Variants in FLRT2 observed in about 807,000 individuals in gnomAD.
The protein encoded by FLRT2 is leucine-rich repeat transmembrane protein FLRT2.
Under a neutral mutation model 40.0 loss-of-function variants are expected in FLRT2, and 15 were observed. The ratio of observed to expected loss-of-function variants is 0.38; its 90% CI spans 0.25 to 0.58. FLRT2 has a LOEUF of 0.58. Ranked by LOEUF, FLRT2 falls within the 20% of genes least tolerant of loss-of-function variation. The pLI, the probability that FLRT2 is intolerant of heterozygous loss-of-function variation, is 0.71. For missense variants in FLRT2, 726 were observed against 840.0 expected, an observed-to-expected ratio of 0.86 and a Z score of 1.68; for synonymous variants, 380 against 336.8, an observed-to-expected ratio of 1.13 and a Z score of -1.41.
At chr14:85,589,480 C>T (rs998617778) in intron 1 of FLRT2, among the ~76,000 whole-genome samples, 3 of 152,032 alleles carry the variant, frequency 2.0e-5, no homozygotes, top group Non-Finnish European at 4.4e-5. Context: ...TTCCTATAGT[C>T]GTTTGATCTC....
In FLRT2 at chr14:85,634,937, TG is replaced by T. The variant is rs1893967500; in HGVS notation, c.*11442del. 1 of 152,206 alleles carries T rather than the reference TG, an allele frequency of 6.6e-6. No homozygotes were observed. The highest frequency in any genetic ancestry group is 6.5e-5 in the Admixed American group (1 of 15,270). 9.4% of individuals were successfully genotyped at this position (152,206 alleles called of 1,614,324 possible). On this transcript the variant is annotated 3_prime_UTR_variant, in exon 2 of 2. Transcript: ENST00000330753. The stretch of plus-strand genomic sequence containing the variant: ...ACTTTGGACCTTAAATTCTGTTTTA[TG>T]GTTGTTCATTTTCTATGTAGTTTAG...
At chr14:85,592,137 AC>A (rs1891916890) in intron 1 of FLRT2, among the ~76,000 whole-genome samples, 1 of 134,830 alleles carries the variant, frequency 7.4e-6, no homozygotes, top group Non-Finnish European at 1.6e-5. Flanking sequence ...CAGGAAGAAA[AC>A]AAAAAAAATA....
At chr14:85,546,447 G>C (rs1331565373) in intron 1 of FLRT2, among the ~76,000 whole-genome samples, 1 of 152,114 alleles carries the variant, frequency 6.6e-6, no homozygotes, top group Admixed American at 6.5e-5. Context: ...TGGTGGGGCT[G>C]TTTAGGGAAG....
chr14:85,555,658 G>A (rs1889902542), intron 1 of FLRT2, among the ~76,000 whole-genome samples: 1 of 143,798 alleles, frequency 7.0e-6, no homozygotes, highest in Admixed American at 7.2e-5. Flanking sequence ...ACCGTATCAA[G>A]CAGTTTAACT....
At position 85,623,113 on chromosome 14, in the gene FLRT2, G is replaced by A; in HGVS notation, c.1599G>A (p.Thr533=). ...CAGCGTCCAGCCATGAGCAGACGAC[G>A]TCCCACAGCATGGGCTCCCCCTTTC... The part of the protein sequence containing the change: ...SNTASSHEQT[T]SHSMGSPFLL... The change falls in exon 2 of 2, where the codon ACG becomes ACA. Residue 533 remains threonine, a synonymous_variant. Coordinates refer to ENST00000330753, the MANE Select transcript of FLRT2 (RefSeq NM_013231.6). 2.5e-6 allele frequency: 4 copies of A among 1,611,746 alleles called. No individual in the cohort carries two copies. Among genetic ancestry groups the A allele is most frequent in the African/African-American group, 1.3e-5 (1 of 74,996 alleles).
At chr14:85,615,970 G>A (rs1893113401) in intron 1 of FLRT2, among the ~76,000 whole-genome samples, 1 of 152,124 alleles carries the variant, frequency 6.6e-6, no homozygotes, top group Non-Finnish European at 1.5e-5. Context: ...ACCTTCTTAG[G>A]CAGCACTAGG....
Position 85,652,373 on chromosome 14 carries a change from A to T in FLRT2, c.*28876A>T, listed in dbSNP as rs1482177835. ...ATTTCTTATGACATGCTTCCTTTTC[A>T]TTGAGGAATACCCAAGATACCAAGT... On this transcript the variant is annotated 3_prime_UTR_variant, in exon 2 of 2. Transcript: ENST00000330753. 3.3e-5 allele frequency: 5 copies of T among 152,078 alleles called. No individual in the cohort carries two copies. Among genetic ancestry groups the T allele is most frequent in the Non-Finnish European group, 5.9e-5 (4 of 67,968 alleles). 9.4% of individuals were successfully genotyped at this position (152,078 alleles called of 1,614,324 possible).
chr14:85,616,143 A>AT (rs35793855), intron 1 of FLRT2, among the ~76,000 whole-genome samples: 2,146 of 151,674 alleles, frequency 0.014, 107 homozygotes, highest in South Asian at 0.097. Context: ...CCCAAAGAGC[A>AT]TTTTTTTTGC....
At chr14:85,556,584 G>A (rs758582091) in intron 1 of FLRT2, among the ~76,000 whole-genome samples, 103 of 152,222 alleles carry the variant, frequency 6.8e-4, no homozygotes, top group Non-Finnish European at 1.2e-3. Context: ...GACTCCCTGG[G>A]TTCAAAGTCT....
rs1891160934 is a variant in FLRT2 at position 85,577,306 on chromosome 14, G to A, written c.-376-43833G>A. On this transcript the variant is annotated intron_variant, in intron 1 of 1. Transcript: ENST00000330753. ...CAATATATATAAAAATGGAGGAGAG[G>A]AAGTGAAATGATTCATTTTAGATGA... Among the ~76,000 whole-genome samples the A allele has an allele frequency of 2.0e-5, 3 of 152,258 alleles. No individual in the cohort carries two copies. The South Asian group carries it at 6.2e-4, about 32-fold the overall frequency.
At chr14:85,565,509 T>C (rs896248727) in intron 1 of FLRT2, among the ~76,000 whole-genome samples, 3 of 152,230 alleles carry the variant, frequency 2.0e-5, no homozygotes, top group Admixed American at 6.5e-5. Flanking sequence ...TTAATAGTGA[T>C]ATTACTACCT....
At chr14:85,589,757 T>C (rs1891795534) in intron 1 of FLRT2, among the ~76,000 whole-genome samples, 3 of 152,286 alleles carry the variant, frequency 2.0e-5, no homozygotes, top group Middle Eastern at 3.4e-3. Context: ...TAGATTTAAG[T>C]CTTTGATAGA....
At chr14:85,577,530 G>GCC (rs1403039101) in intron 1 of FLRT2, among the ~76,000 whole-genome samples, 2 of 152,004 alleles carry the variant, frequency 1.3e-5, no homozygotes, top group Non-Finnish European at 2.9e-5. Flanking sequence ...CTCTCTTTTA[G>GCC]TCTGGCTATT....
intron 1 of FLRT2, among the ~76,000 whole-genome samples, chr14:85,611,437 TA>T (rs1338908952): frequency 6.6e-6 from 1 of 152,206 alleles, no homozygotes; most frequent in Non-Finnish European, 1.5e-5. Context: ...TATGAAATTT[TA>T]AAAAGCGTCA....
chr14:85,622,672 C>G lies in FLRT2; in HGVS notation c.1158C>G (p.Leu386=). The G allele has an allele frequency of 6.2e-7, 1 of 1,614,086 alleles. No individual in the cohort carries two copies. The highest frequency in any genetic ancestry group is 8.5e-7 in the Non-Finnish European group (1 of 1,180,026). ...CTCCGACCACTCAGCCTCCCACCCT[C>G]TCTATTCCAAACCCTAGCAGAAGCT... ...TASPTTQPPT[L]SIPNPSRSYT... The change falls in exon 2 of 2, where the codon CTC becomes CTG. Residue 386 remains leucine, a synonymous_variant. Coordinates refer to ENST00000330753, the MANE Select transcript of FLRT2 (RefSeq NM_013231.6).
At chr14:85,616,841 C>A (rs944652711) in intron 1 of FLRT2, among the ~76,000 whole-genome samples, 1 of 152,204 alleles carries the variant, frequency 6.6e-6, no homozygotes, top group South Asian at 2.1e-4. Context: ...CTGCATACAG[C>A]TGTATCCTCG....
At chr14:85,602,943 C>T (rs1892443032) in intron 1 of FLRT2, among the ~76,000 whole-genome samples, 1 of 152,048 alleles carries the variant, frequency 6.6e-6, no homozygotes, top group Non-Finnish European at 1.5e-5. Context: ...AGAATGGGGG[C>T]ATTTGAGCGC....
In FLRT2 at chr14:85,631,891, G is replaced by A. The variant is rs1400746066; in HGVS notation, c.*8394G>A. 6.6e-6 allele frequency: 1 copy of A among 151,838 alleles called. No individual in the cohort carries two copies. The highest frequency in any genetic ancestry group is 1.5e-5 in the Non-Finnish European group (1 of 68,062). The allele number at this position is 151,838 out of a possible 1,614,324, so 9.4% of individuals were successfully genotyped here. ...ACCAGATTGGAGTGCAGTGGCACAA[G>A]CTCGGCTCACTGCAACCTCCGCCTC... On this transcript the variant is annotated 3_prime_UTR_variant, in exon 2 of 2. Coordinates refer to ENST00000330753, the MANE Select transcript of FLRT2 (RefSeq NM_013231.6).
chr14:85,561,646 G>A (rs769976005), intron 1 of FLRT2, among the ~76,000 whole-genome samples: 28 of 152,096 alleles, frequency 1.8e-4, no homozygotes, highest in Non-Finnish European at 2.8e-4. Flanking sequence ...TTCTCCCTCC[G>A]TTATTACAGC....
Sources: allele counts gnomAD v4.1 joint callset (sites outside exome capture counted in the v4.1 genomes callset), GRCh38; gene constraint gnomAD v4.1.1; transcripts MANE v1.5; gene names NCBI Gene and HGNC (gene_info 2026-07-23, HGNC 2026-07-21).